DMBT1: variants seen among roughly 807,000 people sequenced by gnomAD.
DMBT1 encodes deleted in malignant brain tumors 1.
DMBT1 carries 198 observed loss-of-function variants against 252.9 expected under a neutral mutation model. The ratio of observed to expected loss-of-function variants is 0.78; its 90% CI spans 0.70 to 0.88. The LOEUF (loss-of-function observed/expected upper bound fraction) is 0.88, where lower values mean the gene tolerates loss of function less well. DMBT1 is among the 40% of genes least tolerant of loss of function. The pLI, the probability that DMBT1 is intolerant of heterozygous loss-of-function variation, is 0.00. For synonymous variants in DMBT1, 990 were observed against 942.7 expected (o/e 1.05, Z -0.92); for missense variants, 2,432 against 2,404.7 (o/e 1.01, Z -0.24).
At chr10:122,593,485 C>G in intron 20 of DMBT1, 84 bp from the exon 21 acceptor site, 3 of 1,400,592 alleles carry the variant, frequency 2.1e-6, no homozygotes, top group Non-Finnish European at 3.0e-6. Flanking sequence ...GTGTCAGACT[C>G]GCTCATTTCT....
chr10:122,593,396 G>C (rs532636144), intron 20 of DMBT1, among the ~76,000 whole-genome samples, 173 bp from the exon 21 acceptor site: 1 of 148,020 alleles, frequency 6.8e-6, no homozygotes, highest in Non-Finnish European at 1.5e-5. Flanking sequence ...GATCTGCCTC[G>C]ACCCCTTACA....
intron 1 of DMBT1, among the ~76,000 whole-genome samples, chr10:122,561,952 T>C (rs2981748): frequency 0.67 from 100,868 of 150,996 alleles, 34,175 homozygotes; most frequent in South Asian, 0.78. Flanking sequence ...ATTATCACCT[T>C]TCCTCTCTCT....
In DMBT1 at chr10:122,576,619, T is replaced by C; in HGVS notation, c.504T>C (p.Asp168=). Residue 168 remains aspartate, a synonymous_variant, in exon 7 of 56, where the codon GAT becomes GAC. Coordinates refer to ENST00000338354, the MANE Select transcript of DMBT1 (RefSeq NM_001377530.1). ...GCTCAGGACCCATTGCCCTGGATGA[T>C]GTGCGCTGCTCAGGACACGAATCCT... The part of the protein sequence containing the change: ...GQGSGPIALD[D]VRCSGHESYL... 1.9e-6 allele frequency: 3 copies of C among 1,613,874 alleles called. No homozygotes were observed. Among genetic ancestry groups the C allele is most frequent in the Non-Finnish European group, 2.5e-6 (3 of 1,179,786 alleles).
Position 122,629,871 on chromosome 10 carries a change from C to T in DMBT1, c.5700C>T (p.Phe1900=). Residue 1900 remains phenylalanine (F), a synonymous_variant, in exon 47 of 56, where the codon TTC becomes TTT. Transcript: ENST00000338354. ...RPSSNCGGFL[F]YASGTFSSPS... is the part of the protein sequence containing the mutation. Reference sequence around the variant, plus strand: ...CTTCAAATTGTGGTGGCTTCTTATTCTATGCCAGTGGGACATTCTCCAGCC... The same window carrying T: ...CTTCAAATTGTGGTGGCTTCTTATTTTATGCCAGTGGGACATTCTCCAGCC... The T allele has an allele frequency of 6.2e-7, 1 of 1,614,022 alleles. No homozygotes were observed. Among genetic ancestry groups the T allele is most frequent in the East Asian group, 2.2e-5 (1 of 44,892 alleles).
At chr10:122,631,351 G>C in intron 49 of DMBT1, 70 bp downstream of exon 49, 4 of 1,558,610 alleles carry the variant, frequency 2.6e-6, no homozygotes, top group Non-Finnish European at 3.5e-6. Flanking sequence ...TAAGGCCAGT[G>C]GCTGATGGTG....
At position 122,592,582 on chromosome 10, in the gene DMBT1, T is replaced by A; in HGVS notation, c.2487T>A (p.Gly829=). The A allele has an allele frequency of 6.3e-7, 1 of 1,588,510 alleles. No individual in the cohort carries two copies. Among genetic ancestry groups the A allele is most frequent in the Non-Finnish European group, 8.6e-7 (1 of 1,165,672 alleles). Residue 829 remains glycine (G), a synonymous_variant, in exon 20 of 56, where the codon GGT becomes GGA. Transcript: ENST00000338354. ...SHNCGHHEDA[G]VICSVSQSRP... ...ACTGTGGCCATCATGAAGATGCTGGTGTCATCTGCTCAGGTGGGCCTCCAA... is the reference window on the plus strand; with the variant it reads ...ACTGTGGCCATCATGAAGATGCTGGAGTCATCTGCTCAGGTGGGCCTCCAA...
At chr10:122,590,622 G>T in intron 17 of DMBT1, 43 bp from the exon 18 acceptor site, 1 of 1,584,560 alleles carries the variant, frequency 6.3e-7, no homozygotes, top group Non-Finnish European at 8.6e-7. Flanking sequence ...GGTTTTGCCA[G>T]CTTCTGTATA....
chr10:122,599,180 A>T, intron 26 of DMBT1, 83 bp downstream of exon 26: 1 of 1,599,994 alleles, frequency 6.3e-7, no homozygotes, highest in Non-Finnish European at 8.5e-7. Flanking sequence ...TGATCTCCTC[A>T]CTCAAAGCTT....
At position 122,600,074 on chromosome 10, in the gene DMBT1, C is replaced by A; in HGVS notation, c.3291C>A (p.Ser1097=). Residue 1097 remains serine, a synonymous_variant, in exon 27 of 56, where the codon TCC becomes TCA. Coordinates refer to ENST00000338354, the MANE Select transcript of DMBT1 (RefSeq NM_001377530.1). The part of the protein sequence containing the change: ...DAGVICSASQ[S]RPTPSPDTWP... ...TTCTCTTTCTCACAGCTTCCCAGTCCCGGCCAACACCTAGTCCAGGTGGGT... is the reference window on the plus strand; with the variant it reads ...TTCTCTTTCTCACAGCTTCCCAGTCACGGCCAACACCTAGTCCAGGTGGGT... 3 of 1,607,246 alleles carry A rather than the reference C, an allele frequency of 1.9e-6. No individual in the cohort carries two copies. The highest frequency in any genetic ancestry group is 2.5e-6 in the Non-Finnish European group (3 of 1,178,264).
intron 54 of DMBT1, 144 bp from the exon 55 acceptor site, chr10:122,639,896 C>A: frequency 1.0e-6 from 1 of 975,800 alleles, no homozygotes; most frequent in Non-Finnish European, 1.5e-6. Context: ...AGGATAGGCA[C>A]GTGCCATGGC....
In DMBT1 at chr10:122,636,122, G is replaced by A. The variant is rs769457915; in HGVS notation, c.6680G>A (p.Arg2227His). 27 of 1,613,798 alleles carry A rather than the reference G, an allele frequency of 1.7e-5. No individual in the cohort carries two copies. Among genetic ancestry groups the A allele is most frequent in the Admixed American group, 1.0e-4 (6 of 59,998 alleles). Residue 2227 changes from arginine (R) to histidine (H), a missense_variant, in exon 53 of 56, where the codon CGC (arginine) becomes CAC (histidine). Physicochemically the swap from Arg to His is conservative, Grantham distance 29 (BLOSUM62 0). This residue lies in a region of DMBT1 where 1,162 missense variants were observed against 1,169.0 expected (regional missense o/e 0.99). Coordinates refer to ENST00000338354, the MANE Select transcript of DMBT1 (RefSeq NM_001377530.1). ...FTSSSNFMSI[R>H]FISDHSITRR... ...TCTTCCTCCAACTTCATGTCCATTC[G>A]CTTCATCAGTGACCACAGCATCACA...
chr10:122,561,774 C>G (rs1164687697), intron 1 of DMBT1, among the ~76,000 whole-genome samples: 5 of 151,770 alleles, frequency 3.3e-5, no homozygotes, highest in Admixed American at 3.3e-4. Flanking sequence ...CCCTGCCCCC[C>G]TCACTGTATC....
At chr10:122,561,693 T>C (rs2097548123) in intron 1 of DMBT1, among the ~76,000 whole-genome samples, 1 of 151,842 alleles carries the variant, frequency 6.6e-6, no homozygotes, top group African/African-American at 2.4e-5. Flanking sequence ...TCTTTCTCTT[T>C]TTCCCATCTT....
At chr10:122,637,686 G>A (rs2098238460) in intron 54 of DMBT1, among the ~76,000 whole-genome samples, 1 of 152,218 alleles carries the variant, frequency 6.6e-6, no homozygotes, top group Non-Finnish European at 1.5e-5. Flanking sequence ...GCCTCATTAA[G>A]TCAAAGAATG....
At chr10:122,636,223 C>T in intron 53 of DMBT1, 24 bp downstream of exon 53, 1 of 1,587,866 alleles carries the variant, frequency 6.3e-7, no homozygotes, top group Non-Finnish European at 8.6e-7. Flanking sequence ...TGGAAATGCT[C>T]TGTTGGGACT....
In DMBT1 at chr10:122,591,968, C is replaced by T. The variant is rs112871868; in HGVS notation, c.2177-304C>T. Reference sequence around the variant, plus strand: ...TCGACATGGGGATAGCATAGGCCTGCCCTCTGGAGCAGTGGAGCTCCATCC... The same window carrying T: ...TCGACATGGGGATAGCATAGGCCTGTCCTCTGGAGCAGTGGAGCTCCATCC... On this transcript the variant is annotated intron_variant, in intron 19 of 55. Coordinates refer to ENST00000338354, the MANE Select transcript of DMBT1 (RefSeq NM_001377530.1). 1.0e-4 allele frequency among the ~76,000 whole-genome samples: 15 copies of T among 149,022 alleles called. 1 individual carries two copies. Among genetic ancestry groups the T allele is most frequent in the African/African-American group, 3.4e-4 (14 of 41,288 alleles).
In DMBT1 at chr10:122,643,405, G is replaced by A. The variant is rs1206257102; in HGVS notation, c.*7G>A. ...AGAAGAGGAGCCTCGGTAGGTGGTC[G>A]CTCTCAGACCCCACTGTCCACCGGG... On this transcript the variant is annotated 3_prime_UTR_variant, in exon 56 of 56. Transcript: ENST00000338354. 1.2e-5 allele frequency: 19 copies of A among 1,607,490 alleles called. No individual in the cohort carries two copies. Among genetic ancestry groups the A allele is most frequent in the African/African-American group, 2.7e-5 (2 of 74,700 alleles).
At chr10:122,640,524 A>G (rs1591628349) in intron 55 of DMBT1, 75 bp downstream of exon 55, 1 of 1,464,428 alleles carries the variant, frequency 6.8e-7, no homozygotes, top group Admixed American at 2.4e-5. Context: ...AAAGGCTTGA[A>G]GAATGCAAAT....
At chr10:122,590,397 C>T (rs762832398) in intron 17 of DMBT1, among the ~76,000 whole-genome samples, 3 of 148,658 alleles carry the variant, frequency 2.0e-5, no homozygotes, top group Non-Finnish European at 3.0e-5. Context: ...ACTGCTAAGA[C>T]GTGTAAGGGA....
Sources: gnomAD v4.1 joint callset for allele counts (sites outside exome capture counted in the v4.1 genomes callset) on GRCh38, gnomAD v4.1.1 for gene constraint, gnomAD v4.1.1 regional missense constraint, MANE v1.5 for transcripts, NCBI Gene and HGNC (gene_info 2026-07-23, HGNC 2026-07-21) for gene names.